The following DHX29 variants were observed in gnomAD, a reference collection of about 807,000 sequenced individuals.
The protein encoded by DHX29 is DExH-box helicase 29.
In DHX29, 79 loss-of-function variants were observed where a neutral mutation model predicts 167.9. The observed-to-expected ratio is 0.47, with a 90% CI of 0.39 to 0.57. The LOEUF is 0.57. DHX29 is among the 20% of genes least tolerant of loss of function. The pLI, the probability that DHX29 is intolerant of heterozygous loss-of-function variation, is 0.00. For missense variants in DHX29, 1,347 were observed against 1,593.4 expected, an observed-to-expected ratio of 0.85 and a Z score of 2.63; for synonymous variants, 530 against 546.0, an observed-to-expected ratio of 0.97 and a Z score of 0.41.
At chr5:55,283,057 G>C (rs1235700553) in intron 11 of DHX29, 146 bp downstream of exon 11, 2 of 786,044 alleles carry the variant, frequency 2.5e-6, no homozygotes, top group Non-Finnish European at 3.8e-6. Context: ...ATCTATCAAA[G>C]AAAATGTGAA....
At chr5:55,281,117 TAC>T (rs10592968) in intron 12 of DHX29, among the ~76,000 whole-genome samples, 17,407 of 149,700 alleles carry the variant, frequency 0.12, 1,130 homozygotes, top group East Asian at 0.26. Context: ...TATATATATG[TAC>T]ACACACACAC....
At chr5:55,277,647 T>A (rs1223110340) in intron 12 of DHX29, among the ~76,000 whole-genome samples, 2 of 152,134 alleles carry the variant, frequency 1.3e-5, no homozygotes, top group African/African-American at 4.8e-5. Context: ...AGCTCATACT[T>A]GTAATCCTAG....
intron 7 of DHX29, among the ~76,000 whole-genome samples, 171 bp downstream of exon 7, chr5:55,290,047 G>A (rs1178734958): frequency 2.0e-5 from 3 of 152,126 alleles, no homozygotes; most frequent in African/African-American, 7.2e-5. Flanking sequence ...GAGGCTGTAT[G>A]GCCCATGAAG....
At chr5:55,267,899 CA>C in intron 21 of DHX29, 77 bp from the exon 22 acceptor site, 1 of 1,143,908 alleles carries the variant, frequency 8.7e-7, no homozygotes, top group Non-Finnish European at 1.2e-6. Flanking sequence ...TAAAAGAAAG[CA>C]AATCATAAAA....
intron 26 of DHX29, among the ~76,000 whole-genome samples, 173 bp from the exon 27 acceptor site, chr5:55,256,713 A>T (rs1425386870): frequency 2.0e-5 from 3 of 152,220 alleles, no homozygotes; most frequent in African/African-American, 7.2e-5. Context: ...CCCTACATAG[A>T]TTTTATTGCT....
rs57834473 is a variant in DHX29, at chr5:55,265,989, C to CT, written c.3525+1148dup. ...AGAAATGTAGATTCTCTCCTTTCAA[C>CT]TTTTTTTTTTTTTCCTTTTCTTTTT... On this transcript the variant is annotated intron_variant, in intron 23 of 26. Coordinates refer to ENST00000251636, the MANE Select transcript of DHX29 (RefSeq NM_019030.4). Among the ~76,000 whole-genome samples, 196 of 145,236 alleles carry CT rather than the reference C, an allele frequency of 1.3e-3. 1 individual carries two copies. The Middle Eastern group carries it at 0.021, about 16-fold the overall frequency.
chr5:55,281,757 C>T (rs1188336093), intron 11 of DHX29, among the ~76,000 whole-genome samples: 1 of 150,878 alleles, frequency 6.6e-6, no homozygotes, highest in African/African-American at 2.4e-5. Flanking sequence ...AAATATATTT[C>T]ATATTTTGGC....
Position 55,289,348 on chromosome 5 carries a change from G to C in DHX29, c.988C>G (p.Pro330Ala). Reference protein sequence around the residue: ...SHQQNERKKPPVATEGESALN... With the variant: ...SHQQNERKKPAVATEGESALN... ...GCACTTTCTCCTTCTGTGGCTACAG[G>C]AGGCTTTTTCCTTTCATTTTGTTGA... The change falls in exon 8 of 27, where the codon CCT becomes GCT. Residue 330 changes from proline to alanine, a missense_variant. Pro to Ala is a conservative substitution (Grantham distance 27). Around this residue, in one of 3 missense-constraint regions of DHX29, gnomAD observed 405 missense variants for 416.8 expected, o/e 0.97. Coordinates refer to ENST00000251636, the MANE Select transcript of DHX29 (RefSeq NM_019030.4). The C allele has an allele frequency of 6.2e-7, 1 of 1,600,852 alleles. No homozygotes were observed. The highest frequency in any genetic ancestry group is 1.1e-5 in the South Asian group (1 of 88,026).
intron 3 of DHX29, 106 bp downstream of exon 3, chr5:55,297,179 T>C: frequency 1.6e-6 from 1 of 621,468 alleles, no homozygotes. Flanking sequence ...GGAAATGATC[T>C]ACATAAAATC....
chr5:55,267,646 G>C, intron 22 of DHX29, 40 bp downstream of exon 22: 1 of 1,553,672 alleles, frequency 6.4e-7, no homozygotes, highest in Non-Finnish European at 8.7e-7. Context: ...AATAACCTCA[G>C]GTAATTGGCT....
chr5:55,295,722 G>T (rs992445611), intron 4 of DHX29, among the ~76,000 whole-genome samples, 198 bp from the exon 5 acceptor site: 1 of 152,136 alleles, frequency 6.6e-6, no homozygotes, highest in African/African-American at 2.4e-5. Context: ...CTCATCAGAT[G>T]ATAGCTAGCC....
chr5:55,256,322 A>AATT lies in DHX29; in HGVS notation c.*163_*165dup, dbSNP rs1746052905. On this transcript the variant is annotated 3_prime_UTR_variant, in exon 27 of 27. Coordinates refer to ENST00000251636, the MANE Select transcript of DHX29 (RefSeq NM_019030.4). ...AATCATCATTAAAAAGGAACTAGAA[A>AATT]ATTATACATGTTTAAAGTATGTGCT... 1 of 479,664 alleles carries AATT rather than the reference A, an allele frequency of 2.1e-6. No individual in the cohort carries two copies. Among genetic ancestry groups the AATT allele is most frequent in the Non-Finnish European group, 3.6e-6 (1 of 279,240 alleles). 29.7% of individuals were successfully genotyped at this position (479,664 alleles called of 1,614,324 possible).
In DHX29 at chr5:55,290,077, A is replaced by G. The variant is rs1225842141; in HGVS notation, c.907+141T>C. The G allele has an allele frequency of 3.0e-6, 3 of 1,001,794 alleles. No homozygotes were observed. The African/African-American group carries it at 4.9e-5, about 16-fold the overall frequency. The allele number at this position is 1,001,794 out of a possible 1,614,324, so 62.1% of individuals were successfully genotyped here. On this transcript the variant is annotated intron_variant, in intron 7 of 26. Transcript: ENST00000251636. ...ATGAAGTCCACAGTATTTACTACTTATTATTTTAAAAGTTTGCTAATCCCA... is the reference window on the plus strand; with the variant it reads ...ATGAAGTCCACAGTATTTACTACTTGTTATTTTAAAAGTTTGCTAATCCCA...
intron 18 of DHX29, among the ~76,000 whole-genome samples, chr5:55,271,652 A>G (rs1373183471): frequency 6.6e-6 from 1 of 152,164 alleles, no homozygotes; most frequent in Non-Finnish European, 1.5e-5. Flanking sequence ...AGAAATTTTC[A>G]TTTTACCCAT....
Position 55,295,475 on chromosome 5 carries a change from T to C in DHX29, c.555A>G (p.Lys185=). 6.2e-7 allele frequency: 1 copy of C among 1,613,982 alleles called. No individual in the cohort carries two copies. ...GAGGAGACTGAAATTTAGGCCTACTTTTAGGTTGCTGCTCTTCAAATTCCT... is the reference window on the plus strand; with the variant it reads ...GAGGAGACTGAAATTTAGGCCTACTCTTAGGTTGCTGCTCTTCAAATTCCT... ...FSQEFEEQQP[K]SRPKFQSPQI... The change falls in exon 5 of 27, where the codon AAA becomes AAG. Residue 185 remains lysine, a synonymous_variant. Coordinates refer to ENST00000251636, the MANE Select transcript of DHX29 (RefSeq NM_019030.4).
Position 55,299,364 on chromosome 5 carries a change from G to T in DHX29, c.188-700C>A, listed in dbSNP as rs140671149. Among the ~76,000 whole-genome samples the T allele has an allele frequency of 1.3e-3, 193 of 152,312 alleles. 2 individuals carry two copies. Among genetic ancestry groups the T allele is most frequent in the Non-Finnish European group, 9.3e-4 (63 of 68,026 alleles). On this transcript the variant is annotated intron_variant, in intron 1 of 26. Coordinates refer to ENST00000251636, the MANE Select transcript of DHX29 (RefSeq NM_019030.4). ...AAAGAGAAAGCACTCTTTCTTGAAG[G>T]TGGTATGCTAAGTGAAAAGGGAGGT... is the stretch of plus-strand genomic sequence containing the variant.
intron 6 of DHX29, among the ~76,000 whole-genome samples, chr5:55,293,503 TTTAAG>T (rs1354834313): frequency 6.6e-6 from 1 of 151,736 alleles, no homozygotes; most frequent in Non-Finnish European, 1.5e-5. Context: ...GTGTATCTCA[TTTAAG>T]TTTTCATTTT....
At chr5:55,289,881 C>T (rs1401132648) in intron 7 of DHX29, among the ~76,000 whole-genome samples, 3 of 152,136 alleles carry the variant, frequency 2.0e-5, no homozygotes, top group South Asian at 2.1e-4. Flanking sequence ...ATGGTATTTA[C>T]ATTTTCAAGT....
At chr5:55,267,844 C>A in intron 21 of DHX29, 22 bp from the exon 22 acceptor site, 2 of 1,565,800 alleles carry the variant, frequency 1.3e-6, no homozygotes, top group Non-Finnish European at 1.7e-6. Context: ...TCATAAATGA[C>A]AAAACAATTT....
Sources: allele counts gnomAD v4.1 joint callset (sites outside exome capture counted in the v4.1 genomes callset), GRCh38; gene constraint gnomAD v4.1.1; regional missense constraint gnomAD v4.1.1; transcripts MANE v1.5; gene names NCBI Gene and HGNC (gene_info 2026-07-23, HGNC 2026-07-21).